The following KCNH5 variants were observed in gnomAD, a reference collection of about 807,000 sequenced individuals.
KCNH5 encodes voltage-gated delayed rectifier potassium channel KCNH5.
KCNH5 carries 46 observed loss-of-function variants against 96.1 expected under a neutral mutation model. That is an observed-to-expected ratio of 0.48 (90% confidence interval 0.38 to 0.61). The LOEUF is 0.61. Among genes scored for constraint, KCNH5 ranks in the 20% least tolerant of loss-of-function variants. The pLI, the probability that KCNH5 is intolerant of heterozygous loss-of-function variation, is 0.00. For missense variants in KCNH5, 907 were observed against 1,225.8 expected, an observed-to-expected ratio of 0.74 and a Z score of 3.88; for synonymous variants, 439 against 449.8, an observed-to-expected ratio of 0.98 and a Z score of 0.30.
intron 7 of KCNH5, among the ~76,000 whole-genome samples, chr14:62,883,872 C>CAG (rs1312441454): frequency 6.6e-6 from 1 of 152,070 alleles, no homozygotes; most frequent in African/African-American, 2.4e-5. Context: ...CTTTAAGCCA[C>CAG]AGAGGCAAAG....
At chr14:62,884,631 A>C (rs901373065) in intron 7 of KCNH5, among the ~76,000 whole-genome samples, 4 of 152,188 alleles carry the variant, frequency 2.6e-5, no homozygotes, top group Non-Finnish European at 2.9e-5. Context: ...GTCTCAAAAA[A>C]AGAAAGAAAG....
chr14:62,957,338 C>A (rs146397532), intron 6 of KCNH5, among the ~76,000 whole-genome samples: 30 of 152,284 alleles, frequency 2.0e-4, no homozygotes, highest in Non-Finnish European at 3.7e-4. Context: ...ATATTCCTTC[C>A]TATTTTCTTC....
chr14:62,948,058 A>G (rs2140128671), intron 7 of KCNH5, among the ~76,000 whole-genome samples: 1 of 150,596 alleles, frequency 6.6e-6, no homozygotes, highest in Non-Finnish European at 1.5e-5. Flanking sequence ...ATTCCCACCT[A>G]TGAGTGAGAA....
intron 10 of KCNH5, among the ~76,000 whole-genome samples, chr14:62,770,103 G>A (rs79974369): frequency 1.9e-3 from 283 of 152,098 alleles, no homozygotes; most frequent in African/African-American, 6.6e-3. Context: ...GGGGAGGGTG[G>A]GTGAAGAAAA....
chr14:62,718,621 A>G (rs1884737770), intron 10 of KCNH5, among the ~76,000 whole-genome samples: 1 of 152,202 alleles, frequency 6.6e-6, no homozygotes. Context: ...GGAATGTAAA[A>G]TGGCATAGCT....
chr14:62,830,834 A>G (rs1353803743), intron 8 of KCNH5, among the ~76,000 whole-genome samples: 1 of 152,088 alleles, frequency 6.6e-6, no homozygotes, highest in Admixed American at 6.5e-5. Flanking sequence ...TTTTTTTTCA[A>G]GAGCATCCTC....
chr14:62,720,604 T>C (rs1884789068), intron 10 of KCNH5, among the ~76,000 whole-genome samples: 1 of 152,012 alleles, frequency 6.6e-6, no homozygotes, highest in Non-Finnish European at 1.5e-5. Flanking sequence ...AAAGAGACTT[T>C]TTGAGTAGTT....
rs1884359579 is a variant in KCNH5 at position 62,702,241 on chromosome 14, G to C, written c.*5267C>G. 6.6e-6 allele frequency: 1 copy of C among 152,034 alleles called. No individual in the cohort carries two copies. Among genetic ancestry groups the C allele is most frequent in the South Asian group, 2.1e-4 (1 of 4,828 alleles). 9.4% of individuals were successfully genotyped at this position (152,034 alleles called of 1,614,324 possible). A position where few individuals can be genotyped will look rare whatever the true frequency, so the allele number is the denominator to read the frequency against. ...AAGTAAAGGAAAATTCCACTGTTGG[G>C]ACAGGGCACCTTTTGCTTAAGACAG... is the stretch of plus-strand genomic sequence containing the variant. On this transcript the variant is annotated 3_prime_UTR_variant, in exon 11 of 11. Coordinates refer to ENST00000322893, the MANE Select transcript of KCNH5 (RefSeq NM_139318.5).
At chr14:62,927,974 T>A (rs1007384054) in intron 7 of KCNH5, among the ~76,000 whole-genome samples, 2 of 152,106 alleles carry the variant, frequency 1.3e-5, no homozygotes, top group Admixed American at 6.6e-5. Flanking sequence ...TCTAGCCCCA[T>A]CAGATTTCAT....
chr14:63,003,620 A>ATTTT (rs1229857720), intron 3 of KCNH5, among the ~76,000 whole-genome samples: 3 of 114,324 alleles, frequency 2.6e-5, no homozygotes, highest in African/African-American at 1.1e-4. Context: ...ATATATATAT[A>ATTTT]TATATTTTTT....
chr14:62,813,742 G>A (rs1482477793), intron 8 of KCNH5, among the ~76,000 whole-genome samples: 1 of 152,168 alleles, frequency 6.6e-6, no homozygotes, highest in Non-Finnish European at 1.5e-5. Flanking sequence ...GTGAAAGCCA[G>A]TGGAGAGAGT....
intron 8 of KCNH5, among the ~76,000 whole-genome samples, chr14:62,806,590 T>C (rs999331075): frequency 6.6e-6 from 1 of 152,014 alleles, no homozygotes; most frequent in Non-Finnish European, 1.5e-5. Flanking sequence ...CTGGATAACT[T>C]TGGGTAAGTG....
At chr14:62,868,791 G>A (rs1022957605) in intron 7 of KCNH5, among the ~76,000 whole-genome samples, 1 of 152,186 alleles carries the variant, frequency 6.6e-6, no homozygotes, top group Non-Finnish European at 1.5e-5. Flanking sequence ...GCAGTGTTTG[G>A]TTTTCTGTTC....
In KCNH5 at chr14:62,970,397, T is replaced by G. The variant is rs976839654; in HGVS notation, c.942+10475A>C. Among the ~76,000 whole-genome samples, 4 of 152,260 alleles carry G rather than the reference T, an allele frequency of 2.6e-5. No homozygotes were observed. In the South Asian group the frequency reaches 8.3e-4, roughly 32 times the overall value. On this transcript the variant is annotated intron_variant, in intron 6 of 10. Coordinates refer to ENST00000322893, the MANE Select transcript of KCNH5 (RefSeq NM_139318.5). ...GCCCAGATAGGTTCACAAGTGAAAT[T>G]TATCAAACATTTAAGGAATAAATTA...
At chr14:62,853,456 C>CATATATATATATATGATAT (rs1491420978) in intron 7 of KCNH5, among the ~76,000 whole-genome samples, 1 of 93,320 alleles carries the variant, frequency 1.1e-5, no homozygotes, top group African/African-American at 4.9e-5. Flanking sequence ...AAAGAATAAT[C>CATATATATATATATGATAT]ATATATATAT....
At chr14:62,788,621 T>C (rs1368129713) in intron 9 of KCNH5, among the ~76,000 whole-genome samples, 3 of 152,116 alleles carry the variant, frequency 2.0e-5, no homozygotes, top group African/African-American at 7.2e-5. Flanking sequence ...ATTGATGCAG[T>C]AAATTTCATT....
chr14:62,855,242 G>A (rs1002955855), intron 7 of KCNH5, among the ~76,000 whole-genome samples: 1 of 152,026 alleles, frequency 6.6e-6, no homozygotes, highest in Non-Finnish European at 1.5e-5. Context: ...TACATTTCTG[G>A]TTAACACTTA....
chr14:62,811,538 C>T lies in KCNH5; in HGVS notation c.1570-8957G>A, dbSNP rs150545655. Among the ~76,000 whole-genome samples the T allele has an allele frequency of 3.2e-4, 48 of 152,200 alleles. No individual in the cohort carries two copies. In the East Asian group the frequency reaches 7.3e-3, roughly 23 times the overall value. ...AAAGCACAGATTATCCTTCTTTCTA[C>T]CATGAATACAGTATAGACACAGCTT... On this transcript the variant is annotated intron_variant, in intron 8 of 10. Coordinates refer to ENST00000322893, the MANE Select transcript of KCNH5 (RefSeq NM_139318.5).
At chr14:62,916,406 T>A (rs929333442) in intron 7 of KCNH5, among the ~76,000 whole-genome samples, 1 of 152,220 alleles carries the variant, frequency 6.6e-6, no homozygotes, top group Non-Finnish European at 1.5e-5. Flanking sequence ...CTTAATGTGT[T>A]CTTTATAACA....
Sources: gnomAD v4.1 joint callset for allele counts (sites outside exome capture counted in the v4.1 genomes callset) on GRCh38, gnomAD v4.1.1 for gene constraint, MANE v1.5 for transcripts, NCBI Gene and HGNC (gene_info 2026-07-23, HGNC 2026-07-21) for gene names.